SEMA5B: variants seen among roughly 807,000 people sequenced by gnomAD.
The protein encoded by SEMA5B is semaphorin 5B.
SEMA5B carries 66 observed loss-of-function variants against 135.0 expected under a neutral mutation model. That is an observed-to-expected ratio of 0.49 (90% CI 0.40 to 0.60). The LOEUF (loss-of-function observed/expected upper bound fraction) is 0.60, where lower values mean the gene tolerates loss of function less well. Among genes scored for constraint, SEMA5B ranks in the 20% least tolerant of loss-of-function variants. The pLI is 0.00. For synonymous variants in SEMA5B, 690 were observed against 639.5 expected (o/e 1.08, Z -1.19); for missense variants, 1,501 against 1,566.3 (o/e 0.96, Z 0.70).
Position 122,928,980 on chromosome 3 carries a change from C to G in SEMA5B, c.537+16G>C, listed in dbSNP as rs758949734. ...CCAGCTCCAGGTGGGGCCCCTGGACCGCCGAGACCACGTACCTCAGTCTTC... is the reference window on the plus strand; with the variant it reads ...CCAGCTCCAGGTGGGGCCCCTGGACGGCCGAGACCACGTACCTCAGTCTTC... On this transcript the variant is annotated intron_variant, in intron 6 of 22. Coordinates refer to ENST00000357599, the MANE Select transcript of SEMA5B (RefSeq NM_001031702.4). The G allele has an allele frequency of 1.9e-6, 3 of 1,611,280 alleles. No homozygotes were observed. Among genetic ancestry groups the G allele is most frequent in the Admixed American group, 3.3e-5 (2 of 60,010 alleles).
chr3:122,927,995 G>A lies in SEMA5B; in HGVS notation c.645C>T (p.Asn215=). The change falls in exon 8 of 23, where the codon AAC becomes AAT. Residue 215 remains asparagine (N), a synonymous_variant. Coordinates refer to ENST00000357599, the MANE Select transcript of SEMA5B (RefSeq NM_001031702.4). ...SPMCTSRQVG[N]LSRTIEKING... Reference sequence around the variant, plus strand: ...TGATCTTCTCAATAGTCCGGCTGAGGTTCCCCACCTGGGGACAATGGGGAG... The same window carrying A: ...TGATCTTCTCAATAGTCCGGCTGAGATTCCCCACCTGGGGACAATGGGGAG... 6.8e-7 allele frequency: 1 copy of A among 1,470,308 alleles called. No individual in the cohort carries two copies. The highest frequency in any genetic ancestry group is 9.0e-7 in the Non-Finnish European group (1 of 1,105,378). 91.1% of individuals were successfully genotyped at this position (1,470,308 alleles called of 1,614,324 possible).
At chr3:122,933,267 A>G (rs1939076000) in intron 5 of SEMA5B, among the ~76,000 whole-genome samples, 1 of 152,124 alleles carries the variant, frequency 6.6e-6, no homozygotes, top group African/African-American at 2.4e-5. Flanking sequence ...AGGAAAAGGA[A>G]CATGGTAGAT....
At chr3:122,951,217 C>T (rs1267962346) in intron 2 of SEMA5B, among the ~76,000 whole-genome samples, 2 of 152,026 alleles carry the variant, frequency 1.3e-5, no homozygotes, top group African/African-American at 2.4e-5. Context: ...TGCAGAACAG[C>T]TTATTAGCAT....
At chr3:122,951,903 CT>C (rs1940063056) in intron 2 of SEMA5B, among the ~76,000 whole-genome samples, 1 of 152,218 alleles carries the variant, frequency 6.6e-6, no homozygotes, top group African/African-American at 2.4e-5. Flanking sequence ...AGTAGGATTA[CT>C]TTTTTCCTGC....
intron 1 of SEMA5B, among the ~76,000 whole-genome samples, chr3:122,973,001 G>C (rs928780453): frequency 4.6e-5 from 7 of 152,196 alleles, no homozygotes; most frequent in Non-Finnish European, 8.8e-5. Context: ...TGGGAGCCTG[G>C]AAACTGTGGG....
chr3:122,990,114 A>G (rs1036258972), intron 1 of SEMA5B, among the ~76,000 whole-genome samples: 1 of 152,128 alleles, frequency 6.6e-6, no homozygotes, highest in South Asian at 2.1e-4. Context: ...TGATTAAGAG[A>G]TGATTTGTTG....
chr3:122,911,259 C>G, intron 21 of SEMA5B: 1 of 1,288,668 alleles, frequency 7.8e-7, no homozygotes, highest in African/African-American at 1.5e-5. Flanking sequence ...AGGTGGCAAC[C>G]AGAGGGTCTA....
chr3:122,912,437 C>A, intron 18 of SEMA5B, 95 bp from the exon 19 acceptor site: 1 of 1,178,398 alleles, frequency 8.5e-7, no homozygotes, highest in Admixed American at 3.0e-5. Context: ...CTGCCCTGAG[C>A]CACAGTGACC....
chr3:123,004,153 G>T (rs1410343895), intron 1 of SEMA5B, among the ~76,000 whole-genome samples: 1 of 152,238 alleles, frequency 6.6e-6, no homozygotes, highest in Non-Finnish European at 1.5e-5. Context: ...TCCGGGAGGA[G>T]GTGTGGAATA....
chr3:122,985,758 C>A (rs2107697752), intron 1 of SEMA5B, among the ~76,000 whole-genome samples: 1 of 152,334 alleles, frequency 6.6e-6, no homozygotes, highest in African/African-American at 2.4e-5. Context: ...CAAATCCCAT[C>A]CCCCAACAGG....
chr3:122,968,338 G>A (rs113149802), intron 1 of SEMA5B, among the ~76,000 whole-genome samples: 5 of 152,316 alleles, frequency 3.3e-5, no homozygotes, highest in African/African-American at 1.2e-4. Context: ...ATTTACACAG[G>A]TGAAGAGACA....
chr3:123,022,994 G>A (rs1942723710), intron 1 of SEMA5B, among the ~76,000 whole-genome samples: 1 of 152,212 alleles, frequency 6.6e-6, no homozygotes, highest in Non-Finnish European at 1.5e-5. Context: ...CGAAGATCCT[G>A]TTCCAGATTA....
chr3:123,014,056 G>A (rs191097485), intron 1 of SEMA5B, among the ~76,000 whole-genome samples: 22 of 152,196 alleles, frequency 1.4e-4, no homozygotes, highest in African/African-American at 4.1e-4. Flanking sequence ...CCACTTGGCC[G>A]GGACACACAT....
chr3:122,992,456 T>A (rs1168130395), intron 1 of SEMA5B, among the ~76,000 whole-genome samples: 1 of 152,150 alleles, frequency 6.6e-6, no homozygotes, highest in Non-Finnish European at 1.5e-5. Context: ...GGAGCACCTG[T>A]GGGTGTGGGG....
chr3:122,915,666 G>A (rs1314326712), intron 13 of SEMA5B, 45 bp from the exon 14 acceptor site: 1 of 1,600,458 alleles, frequency 6.2e-7, no homozygotes, highest in Non-Finnish European at 8.5e-7. Flanking sequence ...CCCAAGCCAA[G>A]GGCAGGGAAG....
chr3:123,024,235 G>A lies in SEMA5B; in HGVS notation c.-39+3229C>T, dbSNP rs113804178. On this transcript the variant is annotated intron_variant, in intron 1 of 22. Coordinates refer to ENST00000357599, the MANE Select transcript of SEMA5B (RefSeq NM_001031702.4). ...AGTGTTCAAATAATTGGACCCAATA[G>A]CATCATCTTCCTAAATACACATACT... Among the ~76,000 whole-genome samples, 1,301 of 152,300 alleles carry A rather than the reference G, an allele frequency of 8.5e-3. 16 individuals are homozygous for A. Among genetic ancestry groups the A allele is most frequent in the African/African-American group, 0.029 (1,198 of 41,544 alleles).
In SEMA5B at chr3:122,914,016, G is replaced by A. The variant is rs754068413; in HGVS notation, c.1989-15C>T. ...ACGCCCCATTCCTGGCGGGGTGGGA[G>A]GGGACAGAGACAGATGCCCCTCTGA... On this transcript the variant is annotated splice_polypyrimidine_tract_variant and intron_variant, in intron 14 of 22. Coordinates refer to ENST00000357599, the MANE Select transcript of SEMA5B (RefSeq NM_001031702.4). 6.4e-7 allele frequency: 1 copy of A among 1,570,584 alleles called. No homozygotes were observed. The highest frequency in any genetic ancestry group is 1.2e-5 in the South Asian group (1 of 86,602).
chr3:122,978,283 T>C (rs977352524), intron 1 of SEMA5B, among the ~76,000 whole-genome samples: 1 of 152,234 alleles, frequency 6.6e-6, no homozygotes, highest in Non-Finnish European at 1.5e-5. Flanking sequence ...GATGAGATCA[T>C]GGCTCAGGAA....
At chr3:123,024,590 C>G (rs1012134704) in intron 1 of SEMA5B, among the ~76,000 whole-genome samples, 2 of 152,122 alleles carry the variant, frequency 1.3e-5, no homozygotes, top group Admixed American at 6.5e-5. Flanking sequence ...TTGAGTAAAA[C>G]AAGATGGCTC....
Sources: allele counts gnomAD v4.1 joint callset (sites outside exome capture counted in the v4.1 genomes callset), GRCh38; gene constraint gnomAD v4.1.1; transcripts MANE v1.5; gene names NCBI Gene and HGNC (gene_info 2026-07-23, HGNC 2026-07-21).